Variants in CAPN9 observed in about 807,000 individuals in gnomAD.
CAPN9 encodes the protein calpain 9.
CAPN9 carries 81 observed loss-of-function variants against 92.8 expected under a neutral mutation model. The ratio of observed to expected loss-of-function variants is 0.87; its 90% CI spans 0.73 to 1.05. The LOEUF is 1.05. CAPN9 is among the 50% of genes least tolerant of loss of function. The probability of loss-of-function intolerance (pLI) is 0.00; values close to 1 mark genes in which losing one functional copy is unlikely to be tolerated. For synonymous variants in CAPN9, 304 were observed against 328.0 expected (o/e 0.93, Z 0.79); for missense variants, 848 against 866.2 (o/e 0.98, Z 0.26).
intron 2 of CAPN9, among the ~76,000 whole-genome samples, chr1:230,758,826 G>T (rs931922815): frequency 1.3e-5 from 2 of 152,202 alleles, no homozygotes; most frequent in African/African-American, 4.8e-5. Flanking sequence ...GAGACACTGT[G>T]AGGCACACAC....
intron 1 of CAPN9, among the ~76,000 whole-genome samples, chr1:230,749,891 A>G (rs148327693): frequency 4.6e-5 from 7 of 152,258 alleles, no homozygotes; most frequent in Non-Finnish European, 8.8e-5. Context: ...CTTGCAGTCT[A>G]TATTGACATC....
chr1:230,792,017 G>A, intron 15 of CAPN9, 89 bp downstream of exon 15: 1 of 931,582 alleles, frequency 1.1e-6, no homozygotes, highest in East Asian at 2.4e-5. Context: ...GACTCTCCAA[G>A]AACATGACAT....
At chr1:230,752,824 G>C (rs149059401) in intron 1 of CAPN9, 1 of 389,754 alleles carries the variant, frequency 2.6e-6, no homozygotes. Flanking sequence ...GTTTCCCTTC[G>C]GGCAGGCACA....
intron 2 of CAPN9, among the ~76,000 whole-genome samples, chr1:230,759,134 A>G (rs1337536289): frequency 1.3e-5 from 2 of 152,202 alleles, no homozygotes; most frequent in Non-Finnish European, 2.9e-5. Context: ...CTGCCGAACC[A>G]CTTGGGTGGC....
chr1:230,790,141 G>A lies in CAPN9; in HGVS notation c.1609G>A (p.Val537Met). Residue 537 changes from valine (V) to methionine (M), a missense_variant, in exon 14 of 20, where the codon GTG becomes ATG. Physicochemically the swap from Val to Met is conservative, Grantham distance 21. Coordinates refer to ENST00000271971, the MANE Select transcript of CAPN9 (RefSeq NM_006615.3). ...FEQVAGEDME[V>M]TAEELEYVLN... Reference sequence around the variant, plus strand: ...GTCTCCACTTCAACAGGACATGGAGGTGACAGCAGAGGAACTTGAGTATGT... The same window carrying A: ...GTCTCCACTTCAACAGGACATGGAGATGACAGCAGAGGAACTTGAGTATGT... The A allele has an allele frequency of 6.2e-7, 1 of 1,613,690 alleles. No individual in the cohort carries two copies. The highest frequency in any genetic ancestry group is 8.5e-7 in the Non-Finnish European group (1 of 1,179,584).
intron 12 of CAPN9, among the ~76,000 whole-genome samples, chr1:230,786,966 C>T (rs996025331): frequency 2.0e-5 from 3 of 152,078 alleles, no homozygotes; most frequent in East Asian, 1.9e-4. Flanking sequence ...TAGTCTGACA[C>T]GTCCAGGGAC....
At chr1:230,775,171 C>G (rs979258516) in intron 8 of CAPN9, among the ~76,000 whole-genome samples, 1 of 152,162 alleles carries the variant, frequency 6.6e-6, no homozygotes, top group Admixed American at 6.5e-5. Flanking sequence ...GTTGAAGAGT[C>G]TTCAGGGGGT....
In CAPN9 at chr1:230,801,890, C is replaced by T; in HGVS notation, c.*294C>T. On this transcript the variant is annotated 3_prime_UTR_variant, in exon 20 of 20. Transcript: ENST00000271971. ...CACACTCTACTTTCCTTATTTCCTT[C>T]CATTAAGAATTACTCAGAGTTCTAA... The T allele has an allele frequency of 2.2e-6, 1 of 458,702 alleles. No individual in the cohort carries two copies. The highest frequency in any genetic ancestry group is 3.9e-6 in the Non-Finnish European group (1 of 255,734). The allele number at this position is 458,702 out of a possible 1,614,324, so 28.4% of individuals were successfully genotyped here.
In CAPN9 at chr1:230,780,661, A is replaced by G; in HGVS notation, c.1434A>G (p.Glu478=). Residue 478 remains glutamate (E), a synonymous_variant, in exon 11 of 20, where the codon GAA becomes GAG. Transcript: ENST00000271971. ...CCAGCACTTTTGAGCCCCACCAGGAAGCTGATTTCTGTCTGAGAATCTTTT... is the reference window on the plus strand; with the variant it reads ...CCAGCACTTTTGAGCCCCACCAGGAGGCTGATTTCTGTCTGAGAATCTTTT... The part of the protein sequence containing the change: ...LIPSTFEPHQ[E]ADFCLRIFSE... 6.2e-7 allele frequency: 1 copy of G among 1,614,118 alleles called. No homozygotes were observed. The highest frequency in any genetic ancestry group is 8.5e-7 in the Non-Finnish European group (1 of 1,179,996).
At chr1:230,784,868 C>T (rs1447045780) in intron 11 of CAPN9, among the ~76,000 whole-genome samples, 1 of 152,234 alleles carries the variant, frequency 6.6e-6, no homozygotes, top group African/African-American at 2.4e-5. Flanking sequence ...AATGGTGGAT[C>T]CACTGGCAGC....
intron 17 of CAPN9, 35 bp from the exon 18 acceptor site, chr1:230,795,128 C>T (rs1017353866): frequency 4.4e-6 from 6 of 1,364,938 alleles, no homozygotes; most frequent in Non-Finnish European, 6.3e-6. Context: ...GGCTCGGATA[C>T]AGCGAGTCCT....
At chr1:230,762,816 C>T (rs1376940255) in intron 4 of CAPN9, 30 bp downstream of exon 4, 1 of 1,608,308 alleles carries the variant, frequency 6.2e-7, no homozygotes, top group African/African-American at 1.3e-5. Flanking sequence ...GCTCAGGCAG[C>T]CTCCCGACAG....
At chr1:230,770,836 C>G (rs2102871953) in intron 6 of CAPN9, among the ~76,000 whole-genome samples, 1 of 152,310 alleles carries the variant, frequency 6.6e-6, no homozygotes, top group African/African-American at 2.4e-5. Context: ...AGCCACCCAC[C>G]TTTTGAGTGA....
chr1:230,780,606 A>T lies in CAPN9; in HGVS notation c.1379A>T (p.Lys460Met), dbSNP rs753379487. Residue 460 changes from lysine to methionine, a missense_variant, in exon 11 of 20, where the codon AAG becomes ATG. Coordinates refer to ENST00000271971, the MANE Select transcript of CAPN9 (RefSeq NM_006615.3). The stretch of plus-strand genomic sequence containing the variant: ...CTGAGAGAAGTCTCCGACCGGTTCA[A>T]GCTGCCCCCTGGGGAGTACATCCTG... ...INLREVSDRF[K>M]LPPGEYILIP... is the part of the protein sequence containing the mutation. 1 of 1,614,214 alleles carries T rather than the reference A, an allele frequency of 6.2e-7. No individual in the cohort carries two copies. Among genetic ancestry groups the T allele is most frequent in the East Asian group, 2.2e-5 (1 of 44,884 alleles).
At chr1:230,783,025 G>C (rs1020539514) in intron 11 of CAPN9, among the ~76,000 whole-genome samples, 25 of 151,578 alleles carry the variant, frequency 1.6e-4, no homozygotes, top group African/African-American at 5.6e-4. Context: ...TAAAAAAAAT[G>C]GTGGTTTTTT....
intron 13 of CAPN9, 74 bp downstream of exon 13, chr1:230,787,676 C>A: frequency 1.5e-6 from 2 of 1,346,766 alleles, no homozygotes; most frequent in South Asian, 2.4e-5. Context: ...GGGTTGCAGT[C>A]GTGGGGTTGG....
chr1:230,774,517 T>C (rs746798189), intron 7 of CAPN9, 37 bp from the exon 8 acceptor site: 3 of 1,414,906 alleles, frequency 2.1e-6, no homozygotes, highest in East Asian at 2.3e-5. Context: ...CTCTTCATCA[T>C]GACCTCTGCC....
chr1:230,789,846 T>C (rs1667860210), intron 13 of CAPN9, among the ~76,000 whole-genome samples: 1 of 152,168 alleles, frequency 6.6e-6, no homozygotes, highest in South Asian at 2.1e-4. Flanking sequence ...TCAGGGAAGC[T>C]GGGAAACCAC....
chr1:230,751,674 AGAAAGAAAGAAG>A, intron 1 of CAPN9, among the ~76,000 whole-genome samples: 1 of 44,348 alleles, frequency 2.3e-5, no homozygotes, highest in South Asian at 5.1e-4. Flanking sequence ...AAAGAAAGAA[AGAAAGAAAGAAG>A]GGTGGCTTTT....
Sources: allele counts gnomAD v4.1 joint callset (sites outside exome capture counted in the v4.1 genomes callset), GRCh38; gene constraint gnomAD v4.1.1; transcripts MANE v1.5; gene names NCBI Gene and HGNC (gene_info 2026-07-23, HGNC 2026-07-21).